Variants in C5 observed in about 807,000 individuals in gnomAD.
The protein encoded by C5 is C3 and PZP-like alpha-2-macroglobulin domain-containing protein 4.
A neutral mutation model predicts 218.8 loss-of-function variants in C5; 140 were observed. The observed-to-expected ratio is 0.64, with a 90% confidence interval of 0.56 to 0.74. C5 has a LOEUF of 0.74. C5 is among the 30% of genes least tolerant of loss of function. C5 has a pLI of 0.00. For synonymous variants in C5, 614 were observed against 682.3 expected, an observed-to-expected ratio of 0.90 and a Z score of 1.56; for missense variants, 1,700 against 1,969.6, an observed-to-expected ratio of 0.86 and a Z score of 2.59.
intron 37 of C5, 96 bp from the exon 38 acceptor site, chr9:120,960,433 C>A (rs2046818572): frequency 2.6e-6 from 2 of 775,516 alleles, no homozygotes; most frequent in East Asian, 2.5e-5. Context: ...CCAGAGACAA[C>A]CCAATATAAC....
At chr9:121,049,618 G>C (rs763497322) in intron 1 of C5, among the ~76,000 whole-genome samples, 1 of 151,990 alleles carries the variant, frequency 6.6e-6, no homozygotes, top group Non-Finnish European at 1.5e-5. Context: ...AAAATGAATA[G>C]GTTTGATTAG....
At chr9:121,020,272 T>G in intron 11 of C5, 93 bp from the exon 12 acceptor site, 2 of 1,043,096 alleles carry the variant, frequency 1.9e-6, no homozygotes, top group Non-Finnish European at 3.0e-6. Context: ...CTTTATAAAT[T>G]TCTAAATTTC....
chr9:120,981,822 G>T, intron 27 of C5, 22 bp downstream of exon 27: 1 of 1,523,678 alleles, frequency 6.6e-7, no homozygotes, highest in South Asian at 1.1e-5. Flanking sequence ...ATGGGTGTGA[G>T]AGAAAGAAAA....
chr9:121,054,020 GC>G (rs988714194), upstream of C5, among the ~76,000 whole-genome samples: 5 of 151,874 alleles, frequency 3.3e-5, no homozygotes, highest in African/African-American at 1.2e-4. Context: ...CCCCCAACTT[GC>G]CCCCTATTGA....
At chr9:121,007,153 TCTTA>T (rs1463486216) in intron 18 of C5, among the ~76,000 whole-genome samples, 176 bp from the exon 19 acceptor site, 1 of 152,214 alleles carries the variant, frequency 6.6e-6, no homozygotes, top group Non-Finnish European at 1.5e-5. Flanking sequence ...TCAGTAACTC[TCTTA>T]TATATTGCAT....
chr9:120,970,907 C>T (rs1050109842), intron 31 of C5, among the ~76,000 whole-genome samples: 12 of 152,084 alleles, frequency 7.9e-5, no homozygotes, highest in African/African-American at 1.7e-4. Context: ...CGTGGTGGCT[C>T]GCGCCCATAA....
intron 22 of C5, among the ~76,000 whole-genome samples, chr9:120,994,606 T>A (rs569023334): frequency 1.1e-4 from 17 of 150,816 alleles, no homozygotes; most frequent in African/African-American, 3.7e-4. Flanking sequence ...AAAAAAATAA[T>A]AAATATTAGA....
intron 9 of C5, among the ~76,000 whole-genome samples, chr9:121,025,172 A>G (rs1587987405): frequency 6.6e-6 from 1 of 152,198 alleles, no homozygotes; most frequent in East Asian, 1.9e-4. Context: ...AGCCTGCAGA[A>G]CTACTTTGGA....
intron 1 of C5, among the ~76,000 whole-genome samples, chr9:121,046,720 G>T (rs578221587): frequency 6.6e-6 from 1 of 152,206 alleles, no homozygotes; most frequent in Admixed American, 6.5e-5. Flanking sequence ...GCTCAATGAA[G>T]AAAAAAGCAG....
At chr9:120,995,576 T>C (rs933088980) in intron 22 of C5, among the ~76,000 whole-genome samples, 2 of 152,126 alleles carry the variant, frequency 1.3e-5, no homozygotes, top group African/African-American at 4.8e-5. Context: ...ATAATGCATG[T>C]TAATTATGTA....
chr9:120,959,002 G>A (rs1206453651), intron 38 of C5, among the ~76,000 whole-genome samples: 1 of 151,970 alleles, frequency 6.6e-6, no homozygotes, highest in African/African-American at 2.4e-5. Flanking sequence ...GCCCAGGCTG[G>A]TCTAGAACCC....
intron 17 of C5, among the ~76,000 whole-genome samples, chr9:121,010,919 A>G (rs1031211589): frequency 1.3e-5 from 2 of 152,148 alleles, no homozygotes; most frequent in African/African-American, 4.8e-5. Flanking sequence ...AAAACTGGTT[A>G]TCCCATTCAT....
At chr9:120,971,171 C>CAAAA in intron 31 of C5, among the ~76,000 whole-genome samples, 1 of 57,942 alleles carries the variant, frequency 1.7e-5, no homozygotes, top group African/African-American at 6.0e-5. Flanking sequence ...GACTCCATCT[C>CAAAA]AAAAAAAAAA....
In C5 at chr9:120,991,201, C is replaced by T. The variant is rs1204620604; in HGVS notation, c.2931G>A (p.Leu977=). ...CATTTGTTAATTTACCTTTTACACT[C>T]AAAATCCTTTTGATTTCTGTTTTGG... ...LVPKTEIKRI[L]SVKGLLVGEI... is the part of the protein sequence containing the mutation. Residue 977 remains leucine (L), a synonymous_variant, in exon 23 of 41, where the codon TTG becomes TTA. Coordinates refer to ENST00000223642, the MANE Select transcript of C5 (RefSeq NM_001735.3). 3.8e-6 allele frequency: 6 copies of T among 1,594,870 alleles called. No homozygotes were observed. The highest frequency in any genetic ancestry group is 4.3e-6 in the Non-Finnish European group (5 of 1,162,474).
intron 26 of C5, 114 bp downstream of exon 26, chr9:120,982,541 A>C (rs1028828694): frequency 1.7e-5 from 15 of 876,600 alleles, no homozygotes; most frequent in African/African-American, 1.5e-4. Flanking sequence ...TCACAAAGGA[A>C]TTTCTTGCAG....
chr9:121,048,621 A>G (rs1588002912), intron 1 of C5, among the ~76,000 whole-genome samples: 1 of 152,240 alleles, frequency 6.6e-6, no homozygotes, highest in Admixed American at 6.5e-5. Flanking sequence ...GCAAAAATAC[A>G]TAGTGTTTAG....
At chr9:120,970,316 G>C in intron 31 of C5, 65 bp from the exon 32 acceptor site, 1 of 1,023,010 alleles carries the variant, frequency 9.8e-7, no homozygotes, top group Non-Finnish European at 1.5e-6. Context: ...AGGTATTATG[G>C]CAACACTGCT....
At chr9:121,014,092 T>G in intron 16 of C5, 22 bp from the exon 17 acceptor site, 2 of 1,599,416 alleles carry the variant, frequency 1.3e-6, no homozygotes, top group African/African-American at 1.3e-5. Flanking sequence ...ATAATGCAAG[T>G]GCTCTTGATG....
At chr9:121,040,107 T>C (rs2047564270) in intron 3 of C5, among the ~76,000 whole-genome samples, 1 of 152,200 alleles carries the variant, frequency 6.6e-6, no homozygotes, top group Non-Finnish European at 1.5e-5. Context: ...CTTATGAGCA[T>C]GTAGAAGAGG....
Sources: gnomAD v4.1 joint callset for allele counts (sites outside exome capture counted in the v4.1 genomes callset) on GRCh38, gnomAD v4.1.1 for gene constraint, MANE v1.5 for transcripts, NCBI Gene and HGNC (gene_info 2026-07-23, HGNC 2026-07-21) for gene names.